EP300: variants seen among roughly 807,000 people sequenced by gnomAD.
The protein encoded by EP300 is histone acetyltransferase p300.
EP300 carries 31 observed loss-of-function variants against 264.0 expected under a neutral mutation model. The observed-to-expected ratio is 0.12, with a 90% CI of 0.09 to 0.16. EP300 has a LOEUF of 0.16. EP300 is among the 10% of genes least tolerant of loss of function. The pLI, the probability that EP300 is intolerant of heterozygous loss-of-function variation, is 1.00. For synonymous variants in EP300, 1,340 were observed against 1,045.4 expected, an observed-to-expected ratio of 1.28 and a Z score of -5.44; for missense variants, 2,766 against 3,052.9, an observed-to-expected ratio of 0.91 and a Z score of 2.21.
At chr22:41,132,435 G>A (rs1302141297) in intron 6 of EP300, among the ~76,000 whole-genome samples, 1 of 151,358 alleles carries the variant, frequency 6.6e-6, no homozygotes, top group Non-Finnish European at 1.5e-5. Context: ...CTACAGGCGC[G>A]TGCCACCATG....
rs2145707532 is a variant in EP300, at chr22:41,125,900, C to T, written c.766C>T (p.Pro256Ser). ...GAACAACCCCAATCCTTATGGTTCA[C>T]CATATACTCAGAATCCTGGACAGCA... The part of the protein sequence containing the change: ...MMNNPNPYGS[P>S]YTQNPGQQIG... Residue 256 changes from proline to serine, a missense_variant, in exon 3 of 31, where the codon CCA (proline) becomes TCA (serine). Physicochemically the swap from Pro to Ser is moderately conservative, Grantham distance 74. Coordinates refer to ENST00000263253, the MANE Select transcript of EP300 (RefSeq NM_001429.4). 1.2e-6 allele frequency: 2 copies of T among 1,614,170 alleles called. No homozygotes were observed. Among genetic ancestry groups the T allele is most frequent in the Non-Finnish European group, 8.5e-7 (1 of 1,180,016 alleles).
At chr22:41,117,058 C>CT in intron 1 of EP300, 129 bp from the exon 2 acceptor site, 1 of 866,070 alleles carries the variant, frequency 1.2e-6, no homozygotes, top group Non-Finnish European at 1.9e-6. Flanking sequence ...AAGACCCTGT[C>CT]TCAAATAAAT....
intron 22 of EP300, among the ~76,000 whole-genome samples, chr22:41,166,049 T>A (rs534480156): frequency 6.6e-6 from 1 of 152,284 alleles, no homozygotes; most frequent in East Asian, 1.9e-4. Flanking sequence ...CCTCCCAAAG[T>A]ACTGGGATTA....
chr22:41,152,626 G>C (rs1196439862), intron 16 of EP300, among the ~76,000 whole-genome samples: 2 of 151,874 alleles, frequency 1.3e-5, no homozygotes, highest in African/African-American at 4.8e-5. Context: ...CATTTTTCAG[G>C]AGAGAGAAAT....
At chr22:41,107,367 T>A (rs780927206) in intron 1 of EP300, among the ~76,000 whole-genome samples, 23 of 152,218 alleles carry the variant, frequency 1.5e-4, no homozygotes, top group Middle Eastern at 3.4e-3. Flanking sequence ...TACTTCATTT[T>A]ACCTAAAGTA....
intron 7 of EP300, 68 bp from the exon 8 acceptor site, chr22:41,137,585 A>C: frequency 1.3e-6 from 2 of 1,594,348 alleles, no homozygotes; most frequent in Non-Finnish European, 1.7e-6. Context: ...AATCAGTGTC[A>C]GCTTGAATTA....
chr22:41,175,240 G>A (rs1480374032), intron 29 of EP300, among the ~76,000 whole-genome samples: 1 of 149,030 alleles, frequency 6.7e-6, no homozygotes, highest in Non-Finnish European at 1.5e-5. Flanking sequence ...CTGGTTGTAG[G>A]GTGACAGAAG....
intron 20 of EP300, among the ~76,000 whole-genome samples, chr22:41,162,407 A>T (rs1481257015): frequency 6.6e-6 from 1 of 152,192 alleles, no homozygotes; most frequent in African/African-American, 2.4e-5. Context: ...GCTGGGTTTC[A>T]GGATGGGAAG....
Position 41,136,828 on chromosome 22 carries a change from G to A in EP300, c.1623-825G>A, listed in dbSNP as rs573610450. ...TAATCCCAGCACTTTGGGAGGCCGA[G>A]GCAGGCAGATTGCTTGATCTTAGAA... On this transcript the variant is annotated intron_variant, in intron 7 of 30. Coordinates refer to ENST00000263253, the MANE Select transcript of EP300 (RefSeq NM_001429.4). 8.6e-5 allele frequency among the ~76,000 whole-genome samples: 13 copies of A among 151,970 alleles called. No individual in the cohort carries two copies. In the South Asian group the frequency reaches 2.7e-3, roughly 32 times the overall value.
At chr22:41,098,521 G>A (rs551155793) in intron 1 of EP300, among the ~76,000 whole-genome samples, 14 of 152,062 alleles carry the variant, frequency 9.2e-5, no homozygotes, top group Admixed American at 5.9e-4. Flanking sequence ...ACAGGCGCCC[G>A]CCACCACACC....
At chr22:41,144,538 G>A (rs1219964925) in intron 10 of EP300, among the ~76,000 whole-genome samples, 2 of 151,584 alleles carry the variant, frequency 1.3e-5, no homozygotes, top group African/African-American at 2.4e-5. Flanking sequence ...TTATTTTTTA[G>A]TAGAAACAGG....
At chr22:41,148,646 A>T (rs1176596398) in intron 12 of EP300, among the ~76,000 whole-genome samples, 1 of 152,222 alleles carries the variant, frequency 6.6e-6, no homozygotes, top group Admixed American at 6.5e-5. Context: ...GTTTTTACAT[A>T]TTATGGGTCT....
chr22:41,106,938 G>T (rs1046580227), intron 1 of EP300, among the ~76,000 whole-genome samples: 3 of 151,888 alleles, frequency 2.0e-5, no homozygotes, highest in African/African-American at 4.8e-5. Context: ...GTGGGATCTC[G>T]CACTGTCACC....
chr22:41,123,558 A>G lies in EP300; in HGVS notation c.730-2306A>G, dbSNP rs532068588. On this transcript the variant is annotated intron_variant, in intron 2 of 30. Transcript: ENST00000263253. ...ATACATGGGAAGGGTTTTAGTGTCT[A>G]TGTGTGCTTTTAGAGGTAGAATTGA... 9.9e-5 allele frequency among the ~76,000 whole-genome samples: 15 copies of G among 152,118 alleles called. No homozygotes were observed. The South Asian group carries it at 2.5e-3, about 25-fold the overall frequency.
At chr22:41,119,722 G>A (rs1479893898) in intron 2 of EP300, among the ~76,000 whole-genome samples, 1 of 152,068 alleles carries the variant, frequency 6.6e-6, no homozygotes, top group East Asian at 1.9e-4. Context: ...ATATAGAAGT[G>A]AGCAAAACAA....
At position 41,135,878 on chromosome 22, in the gene EP300, A is replaced by C; in HGVS notation, c.1594A>C (p.Met532Leu). Residue 532 changes from methionine (M) to leucine (L), a missense_variant, in exon 7 of 31, where the codon ATG (methionine) becomes CTG (leucine). Met to Leu is a conservative substitution (Grantham distance 15). Coordinates refer to ENST00000263253, the MANE Select transcript of EP300 (RefSeq NM_001429.4). ...VQTPSLLSDSMLHSAINSQNP... is the reference protein window; with the variant it reads ...VQTPSLLSDSLLHSAINSQNP... ...AACGCCGAGTCTTCTTTCTGACTCA[A>C]TGTTGCATTCAGCCATAAATTCTCA... 6.2e-7 allele frequency: 1 copy of C among 1,614,088 alleles called. No homozygotes were observed. Among genetic ancestry groups the C allele is most frequent in the Non-Finnish European group, 8.5e-7 (1 of 1,179,964 alleles).
intron 23 of EP300, among the ~76,000 whole-genome samples, chr22:41,167,826 GTTTT>G (rs1192332279): frequency 7.5e-4 from 24 of 32,186 alleles, no homozygotes; most frequent in South Asian, 5.2e-3. Context: ...TTTTTTTTTT[GTTTT>G]TTTTTTTTTT....
chr22:41,178,555 C>T lies in EP300; in HGVS notation c.6844C>T (p.Gln2282Ter), dbSNP rs2145522533. Residue 2282 changes from glutamine to a stop codon, truncating the protein, a stop_gained, in exon 31 of 31, where the codon CAG (glutamine) becomes TAG (stop). Transcript: ENST00000263253. LOFTEE classifies it high-confidence loss of function. Reference protein sequence around the residue: ...PVQPNPMSPQQHMLPNQAQSP... With the variant: ...PVQPNPMSPQ ...TCAGCCCAACCCCATGAGCCCCCAG[C>T]AGCATATGCTCCCAAATCAGGCCCA... 6.2e-7 allele frequency: 1 copy of T among 1,614,164 alleles called. No homozygotes were observed.
At chr22:41,173,561 T>C in intron 28 of EP300, 62 bp from the exon 29 acceptor site, 2 of 1,547,766 alleles carry the variant, frequency 1.3e-6, no homozygotes, top group Non-Finnish European at 8.9e-7. Flanking sequence ...AGATATTCTG[T>C]GCTATTCCCA....
Sources: allele counts gnomAD v4.1 joint callset (sites outside exome capture counted in the v4.1 genomes callset), GRCh38; gene constraint gnomAD v4.1.1; transcripts MANE v1.5; gene names NCBI Gene and HGNC (gene_info 2026-07-23, HGNC 2026-07-21).